Variants in ANKFY1 observed in about 807,000 individuals in gnomAD.
The protein encoded by ANKFY1 is ankyrin repeat and FYVE domain containing 1, also known as ankyrin repeat and FYVE domain-containing protein 1.
Under a neutral mutation model 128.3 loss-of-function variants are expected in ANKFY1, and 47 were observed. The ratio of observed to expected loss-of-function variants is 0.37; its 90% confidence interval spans 0.29 to 0.47. The LOEUF (loss-of-function observed/expected upper bound fraction) is 0.47, where lower values mean the gene tolerates loss of function less well. Among genes scored for constraint, ANKFY1 ranks in the 20% least tolerant of loss-of-function variants. The probability of loss-of-function intolerance (pLI) is 1.00; values close to 1 mark genes in which losing one functional copy is unlikely to be tolerated. For synonymous variants in ANKFY1, 553 were observed against 601.6 expected, an observed-to-expected ratio of 0.92 and a Z score of 1.18; for missense variants, 1,222 against 1,510.6, an observed-to-expected ratio of 0.81 and a Z score of 3.17.
At chr17:4,256,796 G>A (rs1363792546) in intron 1 of ANKFY1, among the ~76,000 whole-genome samples, 1 of 152,112 alleles carries the variant, frequency 6.6e-6, no homozygotes, top group African/African-American at 2.4e-5. Flanking sequence ...TGCACCTACC[G>A]TGAAATACGT....
At position 4,166,258 on chromosome 17, in the gene ANKFY1, G is replaced by C. The variant is rs942932259; in HGVS notation, c.*1521C>G. ...TACAGAGGACACACTATCCAGAAAA[G>C]AATGAACAAAGAACAGGCTGTTGCA... On this transcript the variant is annotated 3_prime_UTR_variant, in exon 25 of 25. Coordinates refer to ENST00000341657, the MANE Select transcript of ANKFY1 (RefSeq NM_001330063.2). 2.0e-5 allele frequency: 3 copies of C among 152,134 alleles called. No individual in the cohort carries two copies. Among genetic ancestry groups the C allele is most frequent in the Admixed American group, 2.0e-4 (3 of 15,258 alleles). The allele number at this position is 152,134 out of a possible 1,614,324, so 9.4% of individuals were successfully genotyped here.
rs1431949424 is a variant in ANKFY1 at position 4,181,665 on chromosome 17, GTGTC to G, written c.2122-297_2122-294del. Among the ~76,000 whole-genome samples the G allele has an allele frequency of 6.6e-6, 1 of 152,194 alleles. No homozygotes were observed. The highest frequency in any genetic ancestry group is 1.9e-4 in the East Asian group (1 of 5,200). ...TTCTAGAAGGGACAGAAAACAGAAA[GTGTC>G]TGTGTACACATGCACCAACGGGTCC... On this transcript the variant is annotated intron_variant, in intron 15 of 24. Coordinates refer to ENST00000341657, the MANE Select transcript of ANKFY1 (RefSeq NM_001330063.2). This position sits in a 1 kb window ranked among gnomAD's most constrained non-coding sequence, Gnocchi z 4.9.
intron 1 of ANKFY1, 118 bp downstream of exon 1, chr17:4,263,814 G>C (rs1968558136): frequency 6.2e-7 from 1 of 1,607,616 alleles, no homozygotes; most frequent in Non-Finnish European, 8.5e-7. Flanking sequence ...AGGCTCGCGA[G>C]ACCCGCGGAG....
chr17:4,169,392 C>T lies in ANKFY1; in HGVS notation c.3287-104G>A, dbSNP rs966265519. On this transcript the variant is annotated intron_variant, in intron 23 of 24. Transcript: ENST00000341657. The surrounding 1 kb of genome is among the most constrained non-coding windows in gnomAD (Gnocchi z 5.0). Reference sequence around the variant, plus strand: ...ACACAGACCCGTAAGTGAGGCAGCGCTGCCACATGACATAGGTGACGAAGG... The same window carrying T: ...ACACAGACCCGTAAGTGAGGCAGCGTTGCCACATGACATAGGTGACGAAGG... The T allele has an allele frequency of 2.4e-6, 2 of 820,292 alleles. No individual in the cohort carries two copies. The highest frequency in any genetic ancestry group is 2.2e-5 in the Admixed American group (1 of 46,050). The allele number at this position is 820,292 out of a possible 1,614,324, so 50.8% of individuals were successfully genotyped here. A position where few individuals can be genotyped will look rare whatever the true frequency, so the allele number is the denominator to read the frequency against.
intron 3 of ANKFY1, chr17:4,222,353 TTCACTACGCTCTG>T: frequency 1.3e-6 from 1 of 769,740 alleles, no homozygotes; most frequent in Non-Finnish European, 2.4e-6. Flanking sequence ...GACCTTATTA[TTCACTACGCTCTG>T]TCCTTTAATC....
At chr17:4,258,248 G>A (rs964605348) in intron 1 of ANKFY1, among the ~76,000 whole-genome samples, 9 of 152,138 alleles carry the variant, frequency 5.9e-5, no homozygotes, top group Non-Finnish European at 7.4e-5. Context: ...AAGTAGGGCC[G>A]GGCGCGGTGG....
At chr17:4,227,065 T>A (rs940495274) in intron 3 of ANKFY1, among the ~76,000 whole-genome samples, 1 of 152,178 alleles carries the variant, frequency 6.6e-6, no homozygotes, top group Non-Finnish European at 1.5e-5. Flanking sequence ...AAAATACATA[T>A]TTTAAAAATT....
At chr17:4,234,412 CA>C (rs1966859204) in intron 3 of ANKFY1, among the ~76,000 whole-genome samples, 2 of 152,054 alleles carry the variant, frequency 1.3e-5, no homozygotes, top group Admixed American at 1.3e-4. Flanking sequence ...TGACTGTTTT[CA>C]AGTCTACTTG....
chr17:4,195,193 A>G lies in ANKFY1; in HGVS notation c.1173-16T>C, dbSNP rs767643890. 6.3e-7 allele frequency: 1 copy of G among 1,593,080 alleles called. No homozygotes were observed. The highest frequency in any genetic ancestry group is 8.6e-7 in the Non-Finnish European group (1 of 1,166,474). ...TAAATCTAGTCTGAAAAGCAGAAGC[A>G]GTGTCAACAGCACATACAATCTTTT... On this transcript the variant is annotated splice_polypyrimidine_tract_variant and intron_variant, in intron 9 of 24. Transcript: ENST00000341657.
At chr17:4,234,928 A>G (rs879601302) in intron 3 of ANKFY1, among the ~76,000 whole-genome samples, 1 of 152,234 alleles carries the variant, frequency 6.6e-6, no homozygotes, top group Non-Finnish European at 1.5e-5. Flanking sequence ...CATATCCACC[A>G]TCTCACATAG....
intron 1 of ANKFY1, among the ~76,000 whole-genome samples, chr17:4,254,303 C>CAAAAAAAAA (rs572606909): frequency 1.2e-5 from 1 of 81,928 alleles, no homozygotes; most frequent in African/African-American, 6.5e-5. Context: ...GACTCCATCT[C>CAAAAAAAAA]AAAAAAAAAA....
rs577672168 is a variant in ANKFY1, at chr17:4,251,246, A to C, written c.11-8798T>G. Among the ~76,000 whole-genome samples, 8 of 152,324 alleles carry C rather than the reference A, an allele frequency of 5.3e-5. No homozygotes were observed. In the South Asian group the frequency reaches 1.4e-3, roughly 28 times the overall value. On this transcript the variant is annotated intron_variant, in intron 1 of 24. Transcript: ENST00000341657. ...AATCCCTATTCCTAGACACCACTACATATAAAAACTAACTCAAAATCACAT... is the reference window on the plus strand; with the variant it reads ...AATCCCTATTCCTAGACACCACTACCTATAAAAACTAACTCAAAATCACAT...
intron 10 of ANKFY1, among the ~76,000 whole-genome samples, chr17:4,190,879 T>C (rs1216775191): frequency 6.6e-6 from 1 of 152,142 alleles, no homozygotes; most frequent in Non-Finnish European, 1.5e-5. Flanking sequence ...GCTCATTGCC[T>C]GTCATCCCAG....
chr17:4,197,955 C>A (rs965859772), intron 7 of ANKFY1, among the ~76,000 whole-genome samples: 1 of 151,052 alleles, frequency 6.6e-6, no homozygotes, highest in African/African-American at 2.5e-5. Context: ...CAGGGAAAAA[C>A]CCCGTCTCTA....
chr17:4,223,610 C>A, intron 3 of ANKFY1: 1 of 1,387,048 alleles, frequency 7.2e-7, no homozygotes, highest in Non-Finnish European at 1.0e-6. Context: ...GCTGTGGGAA[C>A]TCATGACTCT....
In ANKFY1 at chr17:4,170,930, G is replaced by GGAGGACA. The variant is rs1277674552; in HGVS notation, c.3140-76_3140-70dup. On this transcript the variant is annotated intron_variant, in intron 22 of 24. Coordinates refer to ENST00000341657, the MANE Select transcript of ANKFY1 (RefSeq NM_001330063.2). ...AGCCCGGCAGCCACAGACGGAGGGCGGAGGACAGCCAAGGGCAGAACAGAC... is the reference window on the plus strand; with the variant it reads ...AGCCCGGCAGCCACAGACGGAGGGCGGAGGACAGAGGACAGCCAAGGGCAGAACAGAC... 1.9e-6 allele frequency: 3 copies of GGAGGACA among 1,606,332 alleles called. No individual in the cohort carries two copies. The African/African-American group carries it at 4.0e-5, about 21-fold the overall frequency.
Position 4,173,984 on chromosome 17 carries a change from C to A in ANKFY1, c.2848G>T (p.Asp950Tyr), listed in dbSNP as rs759817269. ...AGGACTGAGCAGATGGTGGGCAGGT[C>A]CTGCTGGGCAGCAAGATGGAGGGCA... The part of the protein sequence containing the change: ...QTALHLAAQQ[D>Y]LPTICSVLLE... Residue 950 changes from aspartate to tyrosine, a missense_variant, in exon 20 of 25, where the codon GAC becomes TAC. Physicochemically the swap from Asp to Tyr is radical, Grantham distance 160. Transcript: ENST00000341657. The A allele has an allele frequency of 9.9e-6, 16 of 1,614,240 alleles. No individual in the cohort carries two copies. The highest frequency in any genetic ancestry group is 1.4e-5 in the Non-Finnish European group (16 of 1,180,034).
At chr17:4,225,843 C>T (rs1019072595) in intron 3 of ANKFY1, among the ~76,000 whole-genome samples, 6 of 152,150 alleles carry the variant, frequency 3.9e-5, no homozygotes, top group African/African-American at 1.4e-4. Context: ...TTCACTGCAA[C>T]CTCTGCCTTG....
At chr17:4,258,292 G>A (rs893382) in intron 1 of ANKFY1, among the ~76,000 whole-genome samples, 1 of 152,096 alleles carries the variant, frequency 6.6e-6, no homozygotes, top group East Asian at 1.9e-4. Flanking sequence ...TTGGGAGGCC[G>A]AGGCGGGCGG....
Sources: gnomAD v4.1 joint callset for allele counts (sites outside exome capture counted in the v4.1 genomes callset) on GRCh38, gnomAD v4.1.1 for gene constraint, Gnocchi (gnomAD v3.1) non-coding constraint, MANE v1.5 for transcripts, NCBI Gene and HGNC (gene_info 2026-07-23, HGNC 2026-07-21) for gene names.